The following ACSM1 variants were observed in gnomAD, a reference collection of about 807,000 sequenced individuals.
ACSM1 encodes the protein acyl-coenzyme A synthetase ACSM1, mitochondrial.
In ACSM1, 79 loss-of-function variants were observed where a neutral mutation model predicts 75.8. The ratio of observed to expected loss-of-function variants is 1.04; its 90% confidence interval spans 0.87 to 1.26. The LOEUF (loss-of-function observed/expected upper bound fraction) is 1.26. Among genes scored for constraint, ACSM1 ranks in the 50% most tolerant of loss-of-function variants. The pLI is 0.00. For missense variants in ACSM1, 676 were observed against 720.1 expected, an observed-to-expected ratio of 0.94 and a Z score of 0.70; for synonymous variants, 279 against 265.8, an observed-to-expected ratio of 1.05 and a Z score of -0.48.
At chr16:20,666,799 A>G (rs1335686937) in intron 6 of ACSM1, among the ~76,000 whole-genome samples, 1 of 152,206 alleles carries the variant, frequency 6.6e-6, no homozygotes, top group African/African-American at 2.4e-5. Context: ...AGTCACAGCT[A>G]TAGCCATATG....
chr16:20,636,618 T>C (rs2017722310), intron 10 of ACSM1, 121 bp downstream of exon 10: 1 of 718,380 alleles, frequency 1.4e-6, no homozygotes. Flanking sequence ...TCGAGTTGAA[T>C]GAAAACTCAT....
intron 8 of ACSM1, 37 bp from the exon 9 acceptor site, chr16:20,637,488 G>A: frequency 7.1e-6 from 11 of 1,545,042 alleles, no homozygotes; most frequent in Admixed American, 1.7e-5. Flanking sequence ...GTTGATCAGA[G>A]AGGCCAGGCT....
At chr16:20,677,396 T>C (rs1435821940) in intron 4 of ACSM1, among the ~76,000 whole-genome samples, 1 of 152,154 alleles carries the variant, frequency 6.6e-6, no homozygotes, top group Non-Finnish European at 1.5e-5. Context: ...GGCAATTAGA[T>C]TCTGTGGCAC....
At chr16:20,675,497 T>G (rs1447420282) in intron 4 of ACSM1, among the ~76,000 whole-genome samples, 1 of 152,098 alleles carries the variant, frequency 6.6e-6, no homozygotes, top group Non-Finnish European at 1.5e-5. Context: ...CCCAGTCTGG[T>G]GGACCTTAGA....
At position 20,691,172 on chromosome 16, in the gene ACSM1, C is replaced by A. The variant is rs374490052; in HGVS notation, c.17G>T (p.Arg6Met). 1.0e-5 allele frequency: 16 copies of A among 1,593,558 alleles called. No individual in the cohort carries two copies. Among genetic ancestry groups the A allele is most frequent in the Middle Eastern group, 3.4e-4 (2 of 5,822 alleles). Residue 6 changes from arginine to methionine, a missense_variant, in exon 2 of 14, where the codon AGG (arginine) becomes ATG (methionine). By Grantham distance (91) the Arg-to-Met change is moderately conservative. Coordinates refer to ENST00000520010, the MANE Select transcript of ACSM1 (RefSeq NM_001318890.3). ...GTGGATGCCCCAGAGGGTCCGGAAC[C>A]TCATTAGCCACTGCATGGTGAAACA... is the stretch of plus-strand genomic sequence containing the variant. The part of the protein sequence containing the change: MQWLM[R>M]FRTLWGIHKS...
At chr16:20,687,838 C>T (rs74495465) in intron 2 of ACSM1, among the ~76,000 whole-genome samples, 23,940 of 152,070 alleles carry the variant, frequency 0.16, 2,566 homozygotes, top group East Asian at 0.42. Context: ...AAACCCAGCA[C>T]TTTGGGAGGC....
At chr16:20,656,439 G>A (rs35700474) in intron 7 of ACSM1, among the ~76,000 whole-genome samples, 26,580 of 151,660 alleles carry the variant, frequency 0.18, 3,191 homozygotes, top group African/African-American at 0.34. Context: ...TTTAACCCTC[G>A]GGTTTTGCAC....
intron 4 of ACSM1, 56 bp from the exon 5 acceptor site, chr16:20,671,727 T>C (rs1369216569): frequency 1.4e-6 from 2 of 1,440,876 alleles, no homozygotes; most frequent in Non-Finnish European, 1.8e-6. Flanking sequence ...TTCTTCATCT[T>C]CTGGGAATGC....
chr16:20,686,296 A>C (rs764114791), intron 2 of ACSM1, among the ~76,000 whole-genome samples: 7 of 152,174 alleles, frequency 4.6e-5, no homozygotes, highest in Non-Finnish European at 8.8e-5. Flanking sequence ...TGCCTCATAG[A>C]AACAGCAAGA....
At chr16:20,657,371 C>T (rs1318522710) in intron 7 of ACSM1, among the ~76,000 whole-genome samples, 1 of 151,752 alleles carries the variant, frequency 6.6e-6, no homozygotes, top group Non-Finnish European at 1.5e-5. Context: ...TGCAGCAGTG[C>T]GATCTCAGCT....
chr16:20,626,547 A>C (rs1051630548), intron 11 of ACSM1, among the ~76,000 whole-genome samples: 5 of 151,694 alleles, frequency 3.3e-5, no homozygotes, highest in Non-Finnish European at 5.9e-5. Context: ...CTTTAGGCAA[A>C]TTTCCTTGCC....
At chr16:20,665,776 G>T (rs2019534299) in intron 6 of ACSM1, among the ~76,000 whole-genome samples, 1 of 152,134 alleles carries the variant, frequency 6.6e-6, no homozygotes, top group African/African-American at 2.4e-5. Flanking sequence ...ACATCAAAAA[G>T]TTAATTCACC....
At chr16:20,631,097 G>C (rs943109246) in intron 10 of ACSM1, among the ~76,000 whole-genome samples, 1 of 152,198 alleles carries the variant, frequency 6.6e-6, no homozygotes, top group African/African-American at 2.4e-5. Context: ...GCCATAAACT[G>C]GGTGGGTTAT....
At chr16:20,672,087 A>G (rs2152272570) in intron 4 of ACSM1, among the ~76,000 whole-genome samples, 1 of 152,156 alleles carries the variant, frequency 6.6e-6, no homozygotes, top group East Asian at 1.9e-4. Context: ...CCCATTTTGC[A>G]GGTAAGGAAA....
At chr16:20,634,480 G>A (rs7187142) in intron 10 of ACSM1, among the ~76,000 whole-genome samples, 5,302 of 152,232 alleles carry the variant, frequency 0.035, 300 homozygotes, top group African/African-American at 0.12. Context: ...CACAAAATGT[G>A]TTGTATACAT....
chr16:20,626,561 C>T (rs1019276194), intron 11 of ACSM1, among the ~76,000 whole-genome samples: 2 of 151,832 alleles, frequency 1.3e-5, no homozygotes, highest in African/African-American at 4.8e-5. Flanking sequence ...CCTTGCCGGT[C>T]AGTGACCCAC....
intron 11 of ACSM1, 70 bp downstream of exon 11, chr16:20,627,119 G>C: frequency 6.9e-7 from 1 of 1,457,154 alleles, no homozygotes; most frequent in East Asian, 2.7e-5. Flanking sequence ...GTGAAAAAAT[G>C]TCTAGGTAAG....
chr16:20,680,387 C>A (rs1243249395), intron 4 of ACSM1: 2 of 152,214 alleles, frequency 1.3e-5, no homozygotes, highest in East Asian at 1.9e-4. Flanking sequence ...GAGCTTCCCC[C>A]ACCAACCAAA....
intron 10 of ACSM1, among the ~76,000 whole-genome samples, chr16:20,628,157 G>A (rs991359357): frequency 1.3e-5 from 2 of 151,764 alleles, no homozygotes; most frequent in Non-Finnish European, 2.9e-5. Flanking sequence ...ATGGCATGTA[G>A]TTATAAAAAA....
Sources: gnomAD v4.1 joint callset for allele counts (sites outside exome capture counted in the v4.1 genomes callset) on GRCh38, gnomAD v4.1.1 for gene constraint, MANE v1.5 for transcripts, NCBI Gene and HGNC (gene_info 2026-07-23, HGNC 2026-07-21) for gene names.